MAD1L1: variants seen among roughly 807,000 people sequenced by gnomAD.
The protein encoded by MAD1L1 is mitotic arrest deficient 1 like 1.
A neutral mutation model predicts 96.9 loss-of-function variants in MAD1L1; 95 were observed. The observed-to-expected ratio is 0.98, with a 90% CI of 0.83 to 1.16. The LOEUF is 1.16. MAD1L1 is among the 50% of genes most tolerant of loss of function. The pLI is 0.00. For missense variants in MAD1L1, 1,007 were observed against 954.4 expected, an observed-to-expected ratio of 1.06 and a Z score of -0.73; for synonymous variants, 473 against 396.6, an observed-to-expected ratio of 1.19 and a Z score of -2.29.
chr7:2,024,696 G>T (rs531616063), intron 12 of MAD1L1, among the ~76,000 whole-genome samples: 1 of 152,308 alleles, frequency 6.6e-6, no homozygotes, highest in Admixed American at 6.5e-5. Flanking sequence ...TCTCAGGCGG[G>T]TTTGTGGCTA....
intron 10 of MAD1L1, among the ~76,000 whole-genome samples, chr7:2,158,080 C>T (rs934358296): frequency 6.6e-6 from 1 of 152,240 alleles, no homozygotes; most frequent in Non-Finnish European, 1.5e-5. Context: ...CTGCTGAACA[C>T]GCGGGCTTCA....
chr7:1,888,643 T>C (rs1023333151), intron 18 of MAD1L1, among the ~76,000 whole-genome samples: 6 of 151,982 alleles, frequency 3.9e-5, no homozygotes, highest in Non-Finnish European at 8.8e-5. Context: ...TGTGGATGCC[T>C]GTGTGTGCGC....
intron 10 of MAD1L1, among the ~76,000 whole-genome samples, chr7:2,191,357 C>A (rs1408397199): frequency 6.6e-6 from 1 of 152,196 alleles, no homozygotes; most frequent in African/African-American, 2.4e-5. Flanking sequence ...TCTCAAAGAA[C>A]AGGAACATGG....
In MAD1L1 at chr7:1,936,779, C is replaced by G. The variant is rs1801500; in HGVS notation, c.1715G>C (p.Arg572Pro). 6.3e-7 allele frequency: 1 copy of G among 1,577,588 alleles called. No homozygotes were observed. The highest frequency in any genetic ancestry group is 1.2e-5 in the South Asian group (1 of 86,308). Residue 572 changes from arginine to proline, a missense_variant, in exon 17 of 19, where the codon CGC becomes CCC. Physicochemically the swap from Arg to Pro is moderately radical, Grantham distance 103 (BLOSUM62 -2). Coordinates refer to ENST00000265854, the MANE Select transcript of MAD1L1 (RefSeq NM_001013836.2). ...SQLQAECERL[R>P]GLLRAMERGG... ...TCTCTCCATGGCGCGCAGGAGCCCG[C>G]GCAGTCGCTCGCACTCCGCCTGCAG... is the stretch of plus-strand genomic sequence containing the variant.
intron 10 of MAD1L1, among the ~76,000 whole-genome samples, chr7:2,201,243 G>A (rs1054491757): frequency 8.8e-6 from 1 of 113,814 alleles, no homozygotes; most frequent in Non-Finnish European, 2.1e-5. Context: ...GCTGCCCAGA[G>A]GAGGCCTTCA....
At chr7:2,007,726 A>T (rs1339122299) in intron 13 of MAD1L1, among the ~76,000 whole-genome samples, 1 of 152,226 alleles carries the variant, frequency 6.6e-6, no homozygotes, top group Non-Finnish European at 1.5e-5. Flanking sequence ...TCCTGGATGT[A>T]GAGCCCAAAG....
intron 12 of MAD1L1, among the ~76,000 whole-genome samples, chr7:2,016,626 C>T (rs371356819): frequency 1.9e-4 from 29 of 152,340 alleles, no homozygotes; most frequent in African/African-American, 6.5e-4. Context: ...CTCAGGAAAC[C>T]CCGGCCTGCT....
chr7:1,990,021 A>G (rs1409258581), intron 14 of MAD1L1, among the ~76,000 whole-genome samples: 1 of 152,216 alleles, frequency 6.6e-6, no homozygotes, highest in Non-Finnish European at 1.5e-5. Context: ...CAAACTAATA[A>G]CAAGAGGAGG....
intron 3 of MAD1L1, among the ~76,000 whole-genome samples, chr7:2,227,906 G>C (rs777801576): frequency 5.9e-5 from 9 of 152,162 alleles, no homozygotes; most frequent in South Asian, 2.1e-4. Flanking sequence ...GGAAAGAAAG[G>C]AACCCTGAAA....
intron 17 of MAD1L1, among the ~76,000 whole-genome samples, chr7:1,935,743 T>A (rs1428816278): frequency 2.0e-5 from 3 of 152,134 alleles, no homozygotes; most frequent in Non-Finnish European, 4.4e-5. Flanking sequence ...GAAGAAGGTA[T>A]CATCGGATGA....
intron 18 of MAD1L1, chr7:1,847,277 C>A (rs564702981): frequency 2.1e-6 from 1 of 471,040 alleles, no homozygotes; most frequent in South Asian, 1.5e-5. Context: ...GGGACACAAC[C>A]GAACGTGCCA....
intron 17 of MAD1L1, among the ~76,000 whole-genome samples, chr7:1,925,872 G>A (rs1338143351): frequency 1.3e-5 from 2 of 151,962 alleles, no homozygotes. Flanking sequence ...CACCTGAAGA[G>A]GCCAGAAAAA....
chr7:2,038,856 G>A (rs1178609395), intron 12 of MAD1L1, among the ~76,000 whole-genome samples: 2 of 152,022 alleles, frequency 1.3e-5, no homozygotes, highest in Admixed American at 6.6e-5. Flanking sequence ...TTCACTTGGA[G>A]CTATAAAAAA....
chr7:2,128,046 G>A (rs986774747), intron 11 of MAD1L1, among the ~76,000 whole-genome samples: 3 of 152,132 alleles, frequency 2.0e-5, no homozygotes, highest in Non-Finnish European at 4.4e-5. Flanking sequence ...TAAATAAAAC[G>A]CTTTTTAAAT....
intron 12 of MAD1L1, 61 bp from the exon 13 acceptor site, chr7:2,014,703 C>T (rs1456560869): frequency 1.4e-5 from 21 of 1,531,208 alleles, no homozygotes; most frequent in South Asian, 5.0e-5. Flanking sequence ...ATGATGGAGA[C>T]GGCTCAGGGA....
chr7:1,894,914 T>C (rs1786773238), intron 18 of MAD1L1, among the ~76,000 whole-genome samples: 1 of 151,338 alleles, frequency 6.6e-6, no homozygotes, highest in Non-Finnish European at 1.5e-5. Context: ...CACCCAGCAG[T>C]GGGGGAGAAA....
chr7:1,914,014 C>G (rs12531315), intron 17 of MAD1L1, among the ~76,000 whole-genome samples: 45,930 of 146,010 alleles, frequency 0.31, 8,276 homozygotes, highest in East Asian at 0.46. Flanking sequence ...GCAGCGTGGG[C>G]AGGTCTCCCC....
chr7:1,863,355 A>C (rs1490028478), intron 18 of MAD1L1, among the ~76,000 whole-genome samples: 1 of 152,244 alleles, frequency 6.6e-6, no homozygotes, highest in Non-Finnish European at 1.5e-5. Flanking sequence ...TGGCTGCAGA[A>C]AGGCAGCTAC....
intron 10 of MAD1L1, among the ~76,000 whole-genome samples, chr7:2,177,793 C>T (rs914009163): frequency 1.3e-5 from 2 of 152,166 alleles, no homozygotes; most frequent in East Asian, 1.9e-4. Context: ...CCTGAAAGCT[C>T]GGGATAAACT....
Sources: gnomAD v4.1 joint callset for allele counts (sites outside exome capture counted in the v4.1 genomes callset) on GRCh38, gnomAD v4.1.1 for gene constraint, MANE v1.5 for transcripts, NCBI Gene and HGNC (gene_info 2026-07-23, HGNC 2026-07-21) for gene names.